PRDM15: variants seen among roughly 807,000 people sequenced by gnomAD.
PRDM15 encodes the protein PR/SET domain 15, also known as PR domain zinc finger protein 15.
PRDM15 carries 64 observed loss-of-function variants against 128.6 expected under a neutral mutation model. That is an observed-to-expected ratio of 0.50 (90% CI 0.41 to 0.61). The LOEUF is 0.61. Among genes scored for constraint, PRDM15 ranks in the 20% least tolerant of loss-of-function variants. The pLI, the probability that PRDM15 is intolerant of heterozygous loss-of-function variation, is 0.00. For missense variants in PRDM15, 1,242 were observed against 1,569.1 expected (o/e 0.79, Z 3.52); for synonymous variants, 615 against 621.8 (o/e 0.99, Z 0.16).
rs557227583 is a variant in PRDM15, at chr21:41,851,334, C to T, written c.538+3232G>A. On this transcript the variant is annotated intron_variant, in intron 5 of 23. Transcript: ENST00000398548. ...TCTCTTCGAAGGTCTTGTTATCTAT[C>T]GAGATACTCATTTCTGAGACGCAGG... 3.9e-5 allele frequency among the ~76,000 whole-genome samples: 6 copies of T among 152,348 alleles called. No homozygotes were observed. The East Asian group carries it at 9.6e-4, about 24-fold the overall frequency.
chr21:41,819,554 G>A (rs763246689), intron 18 of PRDM15, 28 bp downstream of exon 18: 2 of 1,603,258 alleles, frequency 1.2e-6, no homozygotes, highest in Admixed American at 1.7e-5. Flanking sequence ...GGCTGAGCCT[G>A]GCCCATGTCC....
rs1450124846 is a variant in PRDM15 at position 41,879,292 on chromosome 21, G to C, written c.-32C>G. 3 of 1,078,440 alleles carry C rather than the reference G, an allele frequency of 2.8e-6. No individual in the cohort carries two copies. The highest frequency in any genetic ancestry group is 3.4e-6 in the Non-Finnish European group (3 of 879,402). 66.8% of individuals were successfully genotyped at this position (1,078,440 alleles called of 1,614,324 possible). A position where few individuals can be genotyped will look rare whatever the true frequency, so the allele number is the denominator to read the frequency against. On this transcript the variant is annotated 5_prime_UTR_variant, in exon 1 of 24. Transcript: ENST00000398548. The surrounding 1 kb of genome is among the most constrained non-coding windows in gnomAD (Gnocchi z 5.1). Reference sequence around the variant, plus strand: ...TACCTGCCTTTGGAATGTGCAGAGCGGGATCGGATCCGGACTCCGGGTTGC... The same window carrying C: ...TACCTGCCTTTGGAATGTGCAGAGCCGGATCGGATCCGGACTCCGGGTTGC...
intron 21 of PRDM15, 80 bp from the exon 22 acceptor site, chr21:41,804,694 G>C: frequency 9.2e-7 from 1 of 1,081,738 alleles, no homozygotes; most frequent in Non-Finnish European, 1.3e-6. Flanking sequence ...ACACGCCTTG[G>C]GACCACCTCC....
intron 8 of PRDM15, among the ~76,000 whole-genome samples, chr21:41,837,620 T>C (rs550048223): frequency 1.3e-5 from 2 of 152,302 alleles, no homozygotes; most frequent in South Asian, 2.1e-4. Flanking sequence ...GGGGAGATGA[T>C]TGCCCAACAG....
chr21:41,843,356 A>G (rs1418968202), intron 6 of PRDM15, among the ~76,000 whole-genome samples: 7 of 152,122 alleles, frequency 4.6e-5, no homozygotes, highest in Non-Finnish European at 7.4e-5. Context: ...TGGACCAGTT[A>G]TCTATCCTTG....
intron 17 of PRDM15, 192 bp from the exon 18 acceptor site, chr21:41,819,893 C>T: frequency 1.2e-6 from 1 of 801,782 alleles, no homozygotes; most frequent in Non-Finnish European, 2.0e-6. Context: ...TCCCTGAGGA[C>T]CTGGAGGGGT....
chr21:41,844,752 C>T lies in PRDM15; in HGVS notation c.640+2338G>A, dbSNP rs114735388. ...CACACACACACACACAGAGTCCCTTCCCCCTCACAGGGACACACACAGTCC... is the reference window on the plus strand; with the variant it reads ...CACACACACACACACAGAGTCCCTTTCCCCTCACAGGGACACACACAGTCC... On this transcript the variant is annotated intron_variant, in intron 6 of 23. Coordinates refer to ENST00000398548, the MANE Select transcript of PRDM15 (RefSeq NM_001040424.3). Among the ~76,000 whole-genome samples, 4 of 24,328 alleles carry T rather than the reference C, an allele frequency of 1.6e-4. 1 individual carries two copies. The highest frequency in any genetic ancestry group is 5.9e-4 in the African/African-American group (4 of 6,740). 16.0% of individuals were successfully genotyped at this position (24,328 alleles called of 152,430 possible).
At chr21:41,850,002 A>C (rs987603230) in intron 5 of PRDM15, among the ~76,000 whole-genome samples, 1 of 152,244 alleles carries the variant, frequency 6.6e-6, no homozygotes, top group African/African-American at 2.4e-5. Context: ...ACAGCAGTTG[A>C]GTTAGAACAG....
chr21:41,839,558 C>T, intron 7 of PRDM15, 65 bp downstream of exon 7: 1 of 1,451,258 alleles, frequency 6.9e-7, no homozygotes, highest in Non-Finnish European at 9.6e-7. Flanking sequence ...CCTGCCCCGC[C>T]AGCCCTCGGG....
rs985318482 is a variant in PRDM15, at chr21:41,798,700, A to G, written c.*2540T>C. ...TGGGTCCACAGAGCCTGGTGGCCACAATGGCTGGATCTAATGTCTTCCTTT... is the reference window on the plus strand; with the variant it reads ...TGGGTCCACAGAGCCTGGTGGCCACGATGGCTGGATCTAATGTCTTCCTTT... On this transcript the variant is annotated 3_prime_UTR_variant, in exon 24 of 24. Transcript: ENST00000398548. 1 of 152,216 alleles carries G rather than the reference A, an allele frequency of 6.6e-6. No individual in the cohort carries two copies. The highest frequency in any genetic ancestry group is 2.4e-5 in the African/African-American group (1 of 41,458). 9.4% of individuals were successfully genotyped at this position (152,216 alleles called of 1,614,324 possible). A position where few individuals can be genotyped will look rare whatever the true frequency, so the allele number is the denominator to read the frequency against.
At chr21:41,804,244 G>T (rs146153440) in intron 22 of PRDM15, among the ~76,000 whole-genome samples, 1 of 152,332 alleles carries the variant, frequency 6.6e-6, no homozygotes, top group African/African-American at 2.4e-5. Flanking sequence ...GATTACAGGC[G>T]TGAGCCACCG....
intron 11 of PRDM15, among the ~76,000 whole-genome samples, chr21:41,829,063 C>A (rs1169500732): frequency 6.8e-6 from 1 of 147,764 alleles, no homozygotes; most frequent in African/African-American, 2.5e-5. Context: ...ATCACACACA[C>A]CATACACACA....
rs1036057754 is a variant in PRDM15 at position 41,810,497 on chromosome 21, G to A, written c.2477-168C>T. The stretch of plus-strand genomic sequence containing the variant: ...GTCCCCGAGCACACATGAGCACAGA[G>A]CCTCTGTCCCTTGGGGAGCACTGCC... On this transcript the variant is annotated intron_variant, in intron 20 of 23. Transcript: ENST00000398548. This position sits in a 1 kb window ranked among gnomAD's most constrained non-coding sequence, Gnocchi z 6.4. The A allele has an allele frequency of 2.1e-5, 15 of 730,936 alleles. No individual in the cohort carries two copies. In the African/African-American group the frequency reaches 2.3e-4, roughly 11 times the overall value. The allele number at this position is 730,936 out of a possible 1,614,324, so 45.3% of individuals were successfully genotyped here.
At chr21:41,871,562 T>C in intron 1 of PRDM15, 2 of 1,612,406 alleles carry the variant, frequency 1.2e-6, no homozygotes. Context: ...GTCGGACACC[T>C]CATTCCCTAG....
At chr21:41,817,394 G>C (rs1014826146) in intron 18 of PRDM15, among the ~76,000 whole-genome samples, 2 of 152,138 alleles carry the variant, frequency 1.3e-5, no homozygotes, top group Admixed American at 6.6e-5. Context: ...CACACACACA[G>C]AAAACCTACT....
intron 7 of PRDM15, among the ~76,000 whole-genome samples, chr21:41,838,502 C>T (rs1057392554): frequency 1.3e-5 from 2 of 152,200 alleles, no homozygotes; most frequent in Non-Finnish European, 2.9e-5. Flanking sequence ...TTAAAGATCA[C>T]ATCATCGCCA....
intron 18 of PRDM15, 129 bp from the exon 19 acceptor site, chr21:41,815,965 C>T (rs1027078473): frequency 2.6e-5 from 30 of 1,166,590 alleles, no homozygotes; most frequent in African/African-American, 2.0e-4. Context: ...GGCCGGCCCC[C>T]GAGGATCCCG....
At chr21:41,825,393 G>A (rs564949280) in intron 13 of PRDM15, among the ~76,000 whole-genome samples, 1 of 94,306 alleles carries the variant, frequency 1.1e-5, no homozygotes, top group East Asian at 2.4e-4. Context: ...GCTAGTGCCA[G>A]GATGGCCCCC....
At chr21:41,804,894 T>C (rs1401542788) in intron 21 of PRDM15, among the ~76,000 whole-genome samples, 1 of 152,230 alleles carries the variant, frequency 6.6e-6, no homozygotes, top group African/African-American at 2.4e-5. Flanking sequence ...TCCTCCCTTT[T>C]TGGCCCCCCA....
Sources: allele counts gnomAD v4.1 joint callset (sites outside exome capture counted in the v4.1 genomes callset), GRCh38; gene constraint gnomAD v4.1.1; non-coding constraint Gnocchi (gnomAD v3.1); transcripts MANE v1.5; gene names NCBI Gene and HGNC (gene_info 2026-07-23, HGNC 2026-07-21).